NDFIP1: variants seen among roughly 807,000 people sequenced by gnomAD.
NDFIP1 encodes Nedd4 family interacting protein 1.
In NDFIP1, 7 loss-of-function variants were observed where a neutral mutation model predicts 28.8. That is an observed-to-expected ratio of 0.24 (90% CI 0.14 to 0.46). NDFIP1 has a LOEUF of 0.46. Ranked by LOEUF, NDFIP1 falls within the 20% of genes least tolerant of loss-of-function variation. The pLI, the probability that NDFIP1 is intolerant of heterozygous loss-of-function variation, is 0.99. For missense variants in NDFIP1, 194 were observed against 269.1 expected, an observed-to-expected ratio of 0.72 and a Z score of 1.95; for synonymous variants, 92 against 101.0, an observed-to-expected ratio of 0.91 and a Z score of 0.53.
chr5:142,138,705 A>G (rs1455973401), intron 5 of NDFIP1, among the ~76,000 whole-genome samples: 1 of 152,134 alleles, frequency 6.6e-6, no homozygotes, highest in East Asian at 1.9e-4. Context: ...ATATGTACTC[A>G]TCTATAATAA....
intron 7 of NDFIP1, 95 bp downstream of exon 7, chr5:142,144,771 A>G: frequency 1.4e-6 from 1 of 716,230 alleles, no homozygotes; most frequent in Non-Finnish European, 2.3e-6. Context: ...TGATAGGGGC[A>G]TATAGAGAAA....
intron 1 of NDFIP1, among the ~76,000 whole-genome samples, chr5:142,130,344 A>C (rs1302448643): frequency 6.6e-6 from 1 of 152,186 alleles, no homozygotes; most frequent in Admixed American, 6.5e-5. Flanking sequence ...ACTGGCAGAA[A>C]AGTTGCTGAG....
In NDFIP1 at chr5:142,120,102, C is replaced by T. The variant is rs557795566; in HGVS notation, c.63+11065C>T. Among the ~76,000 whole-genome samples, 5 of 152,186 alleles carry T rather than the reference C, an allele frequency of 3.3e-5. No homozygotes were observed. In the South Asian group the frequency reaches 8.3e-4, roughly 25 times the overall value. Reference sequence around the variant, plus strand: ...TCCCGAGTAGTTGGGATTACAGGCACGCACCACAATGTCCAGCTAATTCTT... The same window carrying T: ...TCCCGAGTAGTTGGGATTACAGGCATGCACCACAATGTCCAGCTAATTCTT... On this transcript the variant is annotated intron_variant, in intron 1 of 7. Transcript: ENST00000253814.
At chr5:142,126,519 C>T (rs553689374) in intron 1 of NDFIP1, among the ~76,000 whole-genome samples, 5 of 152,244 alleles carry the variant, frequency 3.3e-5, no homozygotes, top group East Asian at 1.9e-4. Flanking sequence ...TTATTTTTCA[C>T]GTGCTTTGTT....
At chr5:142,145,569 A>G (rs774459522) in intron 7 of NDFIP1, among the ~76,000 whole-genome samples, 2 of 152,166 alleles carry the variant, frequency 1.3e-5, no homozygotes, top group Non-Finnish European at 2.9e-5. Flanking sequence ...TAGGTGGTGT[A>G]GTTCAGATAA....
chr5:142,118,453 TG>T (rs1757091321), intron 1 of NDFIP1, among the ~76,000 whole-genome samples: 1 of 152,184 alleles, frequency 6.6e-6, no homozygotes, highest in Non-Finnish European at 1.5e-5. Flanking sequence ...GCTGTGGATT[TG>T]GGGGAAGACC....
chr5:142,125,513 C>A (rs1289897576), intron 1 of NDFIP1, among the ~76,000 whole-genome samples: 3 of 152,118 alleles, frequency 2.0e-5, no homozygotes, highest in Admixed American at 6.5e-5. Context: ...AGGTGTGCCG[C>A]CATGCCTGGC....
intron 5 of NDFIP1, 154 bp downstream of exon 5, chr5:142,138,012 A>G (rs1161744715): frequency 1.1e-6 from 1 of 881,214 alleles, no homozygotes; most frequent in Non-Finnish European, 1.6e-6. Context: ...CTGAACCAAA[A>G]TCATTTGCAA....
At chr5:142,121,884 T>G (rs1757125481) in intron 1 of NDFIP1, among the ~76,000 whole-genome samples, 1 of 152,240 alleles carries the variant, frequency 6.6e-6, no homozygotes, top group Admixed American at 6.5e-5. Context: ...ATGCCTGTTT[T>G]GGCCAACACT....
At chr5:142,129,527 A>G (rs371016465) in intron 1 of NDFIP1, among the ~76,000 whole-genome samples, 1 of 152,238 alleles carries the variant, frequency 6.6e-6, no homozygotes, top group African/African-American at 2.4e-5. Flanking sequence ...AATTTGACAC[A>G]AGAATTCATT....
chr5:142,144,428 G>T, intron 6 of NDFIP1, 143 bp from the exon 7 acceptor site: 1 of 634,228 alleles, frequency 1.6e-6, no homozygotes, highest in Non-Finnish European at 2.8e-6. Flanking sequence ...AAAATCCTCT[G>T]CAGATTCTGG....
chr5:142,144,963 G>A (rs1256400004), intron 7 of NDFIP1, among the ~76,000 whole-genome samples: 1 of 152,206 alleles, frequency 6.6e-6, no homozygotes, highest in Non-Finnish European at 1.5e-5. Context: ...ATATTTGGCT[G>A]CTTGACTGAA....
intron 6 of NDFIP1, chr5:142,143,743 A>G (rs1757359457): frequency 6.6e-6 from 1 of 152,184 alleles, no homozygotes; most frequent in African/African-American, 2.4e-5. Context: ...GTTGACACCT[A>G]TAATCCCAAC....
At chr5:142,117,558 C>G (rs1445227420) in intron 1 of NDFIP1, among the ~76,000 whole-genome samples, 1 of 151,914 alleles carries the variant, frequency 6.6e-6, no homozygotes, top group Non-Finnish European at 1.5e-5. Flanking sequence ...TTTTATCATT[C>G]GATGCTTAAA....
At chr5:142,150,732 A>AG (rs1290996307) in intron 7 of NDFIP1, among the ~76,000 whole-genome samples, 2 of 150,868 alleles carry the variant, frequency 1.3e-5, no homozygotes, top group Non-Finnish European at 3.0e-5. Flanking sequence ...AAAAAAAAAA[A>AG]AAAGAAAAGA....
chr5:142,142,415 G>A (rs1596794154), intron 6 of NDFIP1, among the ~76,000 whole-genome samples: 1 of 152,072 alleles, frequency 6.6e-6, no homozygotes, highest in African/African-American at 2.4e-5. Context: ...TTTCTAAACT[G>A]TACCTTTAAG....
intron 1 of NDFIP1, among the ~76,000 whole-genome samples, chr5:142,123,046 T>C (rs1177401538): frequency 6.6e-6 from 1 of 151,876 alleles, no homozygotes; most frequent in African/African-American, 2.4e-5. Flanking sequence ...CACTGCAACC[T>C]CTACCTCCCA....
chr5:142,153,187 C>T lies in NDFIP1; in HGVS notation c.*1459C>T. The T allele has an allele frequency of 4.6e-6, 2 of 432,846 alleles. No individual in the cohort carries two copies. Among genetic ancestry groups the T allele is most frequent in the South Asian group, 1.7e-5 (1 of 60,496 alleles). The allele number at this position is 432,846 out of a possible 1,614,324, so 26.8% of individuals were successfully genotyped here. A position where few individuals can be genotyped will look rare whatever the true frequency, so the allele number is the denominator to read the frequency against. Reference sequence around the variant, plus strand: ...CAGTCAGTTGAAATTAAAGATTCCTCATTTCTCCTGATTTCTATTCTTGTC... The same window carrying T: ...CAGTCAGTTGAAATTAAAGATTCCTTATTTCTCCTGATTTCTATTCTTGTC... On this transcript the variant is annotated 3_prime_UTR_variant, in exon 8 of 8. Coordinates refer to ENST00000253814, the MANE Select transcript of NDFIP1 (RefSeq NM_030571.4).
At chr5:142,138,114 T>C (rs764888337) in intron 5 of NDFIP1, 1 of 312,008 alleles carries the variant, frequency 3.2e-6, no homozygotes, top group Non-Finnish European at 5.9e-6. Context: ...GTTTTTAATG[T>C]TTATAATATG....
Sources: allele counts gnomAD v4.1 joint callset (sites outside exome capture counted in the v4.1 genomes callset), GRCh38; gene constraint gnomAD v4.1.1; transcripts MANE v1.5; gene names NCBI Gene and HGNC (gene_info 2026-07-23, HGNC 2026-07-21).